GRIN2B: variants seen among roughly 807,000 people sequenced by gnomAD.
The protein encoded by GRIN2B is glutamate ionotropic receptor NMDA type subunit 2B.
A neutral mutation model predicts 114.5 loss-of-function variants in GRIN2B; 5 were observed. The observed-to-expected ratio is 0.04, with a 90% confidence interval of 0.02 to 0.09. The LOEUF is 0.09. GRIN2B is among the 10% of genes least tolerant of loss of function. The pLI is 1.00. For synonymous variants in GRIN2B, 787 were observed against 745.1 expected, an observed-to-expected ratio of 1.06 and a Z score of -0.92; for missense variants, 1,108 against 1,943.5, an observed-to-expected ratio of 0.57 and a Z score of 8.08.
chr12:13,587,976 C>G (rs1948953472), intron 10 of GRIN2B, among the ~76,000 whole-genome samples: 1 of 152,096 alleles, frequency 6.6e-6, no homozygotes, highest in Admixed American at 6.5e-5. Flanking sequence ...TTTGCACCAG[C>G]CTTAATATAG....
intron 3 of GRIN2B, among the ~76,000 whole-genome samples, chr12:13,808,674 C>A (rs1864660834): frequency 2.0e-5 from 3 of 150,284 alleles, no homozygotes; most frequent in Non-Finnish European, 4.4e-5. Flanking sequence ...AGCACACCAA[C>A]ATGGTACATT....
At chr12:13,626,337 G>A (rs975078242) in intron 5 of GRIN2B, among the ~76,000 whole-genome samples, 5 of 152,198 alleles carry the variant, frequency 3.3e-5, no homozygotes, top group Non-Finnish European at 7.3e-5. Context: ...ACTGCTGACT[G>A]AAAATGATGG....
chr12:13,633,321 C>T (rs1949633433), intron 5 of GRIN2B, among the ~76,000 whole-genome samples: 1 of 152,198 alleles, frequency 6.6e-6, no homozygotes, highest in African/African-American at 2.4e-5. Context: ...TGGGCAGAAC[C>T]CAGCAATCTG....
intron 4 of GRIN2B, among the ~76,000 whole-genome samples, chr12:13,733,633 A>T (rs1432402572): frequency 1.3e-5 from 2 of 152,322 alleles, no homozygotes; most frequent in East Asian, 3.9e-4. Flanking sequence ...AGGCTTGCGT[A>T]GAGGCTCTTA....
At chr12:13,672,871 C>T (rs751409862) in intron 5 of GRIN2B, among the ~76,000 whole-genome samples, 4 of 152,146 alleles carry the variant, frequency 2.6e-5, no homozygotes, top group Non-Finnish European at 4.4e-5. Flanking sequence ...CATGAAACAA[C>T]AGCTACCGTA....
At chr12:13,795,374 C>CA (rs1555140910) in intron 3 of GRIN2B, among the ~76,000 whole-genome samples, 6 of 91,434 alleles carry the variant, frequency 6.6e-5, no homozygotes, top group Non-Finnish European at 1.6e-4. Flanking sequence ...GATGCAGTGG[C>CA]GAAAAAAAAA....
At chr12:13,591,089 G>C (rs1365189862) in intron 10 of GRIN2B, among the ~76,000 whole-genome samples, 1 of 152,136 alleles carries the variant, frequency 6.6e-6, no homozygotes, top group Non-Finnish European at 1.5e-5. Context: ...CTAGTTTCAA[G>C]GGGTCTAAGC....
intron 2 of GRIN2B, among the ~76,000 whole-genome samples, chr12:13,916,926 C>T (rs1190162711): frequency 3.3e-5 from 5 of 151,666 alleles, no homozygotes; most frequent in African/African-American, 4.8e-5. Flanking sequence ...AAAGGCTTTA[C>T]GAAGAGGTAA....
rs893478491 is a variant in GRIN2B, at chr12:13,543,935, A to G, written c.*18848T>C. On this transcript the variant is annotated 3_prime_UTR_variant, in exon 14 of 14. Transcript: ENST00000609686. ...TCCCTCTATGTTTGTATTGAATCCCATGCCCTCTCACTTCATCAAAGACAT... is the reference window on the plus strand; with the variant it reads ...TCCCTCTATGTTTGTATTGAATCCCGTGCCCTCTCACTTCATCAAAGACAT... 15 of 152,120 alleles carry G rather than the reference A, an allele frequency of 9.9e-5. No individual in the cohort carries two copies. Among genetic ancestry groups the G allele is most frequent in the Non-Finnish European group, 2.2e-4 (15 of 68,018 alleles). 9.4% of individuals were successfully genotyped at this position (152,120 alleles called of 1,614,324 possible). A position where few individuals can be genotyped will look rare whatever the true frequency, so the allele number is the denominator to read the frequency against.
At chr12:13,618,223 A>T (rs1591644571) in intron 5 of GRIN2B, among the ~76,000 whole-genome samples, 1 of 152,202 alleles carries the variant, frequency 6.6e-6, no homozygotes, top group Non-Finnish European at 1.5e-5. Flanking sequence ...GTCCTCTGCC[A>T]GTTTGGCCAG....
chr12:13,939,680 G>A (rs79054082), intron 2 of GRIN2B, among the ~76,000 whole-genome samples: 7,962 of 150,656 alleles, frequency 0.053, 293 homozygotes, highest in Non-Finnish European at 0.081. Context: ...TCAGCCTCCT[G>A]AGTAGCTGGG....
intron 3 of GRIN2B, among the ~76,000 whole-genome samples, chr12:13,828,581 G>A (rs1248216423): frequency 6.6e-6 from 1 of 152,048 alleles, no homozygotes; most frequent in Non-Finnish European, 1.5e-5. Context: ...CAGATTGCTG[G>A]GTTACTCCTC....
At chr12:13,743,250 C>T (rs1034342032) in intron 4 of GRIN2B, among the ~76,000 whole-genome samples, 7 of 152,168 alleles carry the variant, frequency 4.6e-5, no homozygotes, top group Non-Finnish European at 8.8e-5. Flanking sequence ...GATTTTAGCT[C>T]AGAGCCCTTT....
intron 2 of GRIN2B, among the ~76,000 whole-genome samples, chr12:13,978,572 ATTG>A (rs757460459): frequency 4.6e-5 from 7 of 152,186 alleles, no homozygotes; most frequent in Non-Finnish European, 1.0e-4. Flanking sequence ...TTATCAAAGA[ATTG>A]TTGTTTTAAA....
chr12:13,815,961 GCA>G (rs113971389), intron 3 of GRIN2B, among the ~76,000 whole-genome samples: 1 of 151,748 alleles, frequency 6.6e-6, no homozygotes, highest in East Asian at 1.9e-4. Flanking sequence ...ATGCACATGT[GCA>G]CACACACACA....
intron 3 of GRIN2B, among the ~76,000 whole-genome samples, chr12:13,809,131 C>G (rs1054084080): frequency 2.6e-5 from 4 of 152,156 alleles, no homozygotes; most frequent in Non-Finnish European, 1.5e-5. Context: ...CTATAGATGC[C>G]AGTATCAACC....
chr12:13,562,218 A>T lies in GRIN2B; in HGVS notation c.*565T>A, dbSNP rs1948554555. The T allele has an allele frequency of 6.5e-6, 1 of 153,856 alleles. No individual in the cohort carries two copies. Among genetic ancestry groups the T allele is most frequent in the Non-Finnish European group, 1.4e-5 (1 of 69,232 alleles). 9.5% of individuals were successfully genotyped at this position (153,856 alleles called of 1,614,324 possible). ...GCAAGCATTTTTTGGCTTATATATA[A>T]ACACAAATGGCCTCCCAACCTCTGC... On this transcript the variant is annotated 3_prime_UTR_variant, in exon 14 of 14. Transcript: ENST00000609686.
intron 5 of GRIN2B, among the ~76,000 whole-genome samples, chr12:13,640,775 A>T (rs1187855547): frequency 1.3e-5 from 2 of 152,138 alleles, no homozygotes; most frequent in Admixed American, 1.3e-4. Flanking sequence ...ACCTGCAGGA[A>T]CCAAAATGTG....
chr12:13,819,301 T>C (rs1401987571), intron 3 of GRIN2B, among the ~76,000 whole-genome samples: 1 of 152,150 alleles, frequency 6.6e-6, no homozygotes, highest in Non-Finnish European at 1.5e-5. Flanking sequence ...TGAGAAAATA[T>C]ATTCCTGTTG....
Sources: gnomAD v4.1 joint callset for allele counts (sites outside exome capture counted in the v4.1 genomes callset) on GRCh38, gnomAD v4.1.1 for gene constraint, MANE v1.5 for transcripts, NCBI Gene and HGNC (gene_info 2026-07-23, HGNC 2026-07-21) for gene names.